Variants in CCDC148 observed in about 807,000 individuals in gnomAD.
CCDC148 encodes the protein coiled-coil domain-containing protein 148.
A neutral mutation model predicts 85.7 loss-of-function variants in CCDC148; 89 were observed. The observed-to-expected ratio is 1.04, with a 90% CI of 0.87 to 1.24. The LOEUF (loss-of-function observed/expected upper bound fraction) is 1.24, where lower values mean the gene tolerates loss of function less well. Ranked by LOEUF, CCDC148 falls within the 50% of genes most tolerant of loss-of-function variation. The pLI is 0.00. For synonymous variants in CCDC148, 230 were observed against 213.9 expected (o/e 1.08, Z -0.66); for missense variants, 692 against 671.7 (o/e 1.03, Z -0.33).
At chr2:158,449,247 A>G (rs1325567107) in intron 1 of CCDC148, among the ~76,000 whole-genome samples, 1 of 152,170 alleles carries the variant, frequency 6.6e-6, no homozygotes, top group Non-Finnish European at 1.5e-5. Context: ...AGGTCCTAGT[A>G]GGATTTTTTA....
At chr2:158,450,733 C>G (rs527425930) in intron 1 of CCDC148, among the ~76,000 whole-genome samples, 2 of 149,006 alleles carry the variant, frequency 1.3e-5, no homozygotes, top group African/African-American at 4.9e-5. Context: ...TCAAAATTTT[C>G]TTGTTATTTT....
intron 10 of CCDC148, among the ~76,000 whole-genome samples, chr2:158,231,120 C>T (rs1687837271): frequency 6.6e-6 from 1 of 151,976 alleles, no homozygotes; most frequent in South Asian, 2.1e-4. Flanking sequence ...TGCTGGAGAC[C>T]TAAATTAAGG....
At chr2:158,413,282 G>A (rs976281235) in intron 1 of CCDC148, among the ~76,000 whole-genome samples, 1 of 152,040 alleles carries the variant, frequency 6.6e-6, no homozygotes, top group East Asian at 1.9e-4. Context: ...TTCACAAAAG[G>A]AATGTTTTTC....
In CCDC148 at chr2:158,356,009, G is replaced by C. The variant is rs923028485; in HGVS notation, c.147+2440C>G. 4.4e-5 allele frequency among the ~76,000 whole-genome samples: 6 copies of C among 135,734 alleles called. 1 individual carries two copies. Among genetic ancestry groups the C allele is most frequent in the Admixed American group, 4.2e-4 (6 of 14,264 alleles). The allele number at this position is 135,734 out of a possible 152,430, so 89.0% of individuals were successfully genotyped here. On this transcript the variant is annotated intron_variant, in intron 2 of 13. Coordinates refer to ENST00000283233, the MANE Select transcript of CCDC148 (RefSeq NM_138803.4). ...ATTCCCTATTTAATAAATGGTGCTG[G>C]GAAAACTGGCTAGCCATATGTAGAA...
At chr2:158,370,993 T>G (rs1054092168) in intron 1 of CCDC148, among the ~76,000 whole-genome samples, 7 of 151,992 alleles carry the variant, frequency 4.6e-5, no homozygotes, top group African/African-American at 1.7e-4. Context: ...TAATTTTGAT[T>G]ACTACTTTAT....
intron 10 of CCDC148, among the ~76,000 whole-genome samples, chr2:158,250,221 T>G (rs910245237): frequency 2.0e-5 from 3 of 152,050 alleles, no homozygotes; most frequent in Admixed American, 2.0e-4. Context: ...TTTTGGTGTA[T>G]AGTTTTAAGA....
Position 158,224,705 on chromosome 2 carries a change from G to A in CCDC148, c.1252-3992C>T, listed in dbSNP as rs574562110. ...AGAATTTCATATCCAGCCAAACTAA[G>A]CTTCGTAAGTGAAGGAGAAATAATA... On this transcript the variant is annotated intron_variant, in intron 10 of 13. Transcript: ENST00000283233. 6.6e-5 allele frequency among the ~76,000 whole-genome samples: 10 copies of A among 152,254 alleles called. No homozygotes were observed. The South Asian group carries it at 2.1e-3, about 32-fold the overall frequency.
chr2:158,199,186 G>C (rs971883034), intron 11 of CCDC148, among the ~76,000 whole-genome samples: 5 of 152,222 alleles, frequency 3.3e-5, no homozygotes, highest in African/African-American at 1.2e-4. Flanking sequence ...AGCTTGGAAA[G>C]TAATTTTCTT....
intron 9 of CCDC148, among the ~76,000 whole-genome samples, chr2:158,280,691 C>T (rs997715931): frequency 6.6e-6 from 1 of 152,120 alleles, no homozygotes. Context: ...GACTTTAACA[C>T]CCCACTGTCA....
intron 9 of CCDC148, among the ~76,000 whole-genome samples, chr2:158,270,630 C>A (rs1689656118): frequency 6.6e-6 from 1 of 152,128 alleles, no homozygotes; most frequent in African/African-American, 2.4e-5. Context: ...GCTGTCCATA[C>A]AAAAGTAGCT....
intron 10 of CCDC148, among the ~76,000 whole-genome samples, chr2:158,228,907 T>C (rs959902914): frequency 6.7e-6 from 1 of 149,074 alleles, no homozygotes; most frequent in African/African-American, 2.5e-5. Flanking sequence ...CATGTATACA[T>C]ATGTAACTAA....
chr2:158,402,669 T>G (rs1685835148), intron 1 of CCDC148, among the ~76,000 whole-genome samples: 1 of 152,072 alleles, frequency 6.6e-6, no homozygotes, highest in Non-Finnish European at 1.5e-5. Context: ...TTAATCCTAT[T>G]GGAAATGAAG....
intron 1 of CCDC148, among the ~76,000 whole-genome samples, chr2:158,448,289 T>C (rs1688244770): frequency 6.6e-6 from 1 of 152,192 alleles, no homozygotes; most frequent in South Asian, 2.1e-4. Flanking sequence ...AAATTAGTAT[T>C]GTAATAACTC....
chr2:158,233,518 T>C (rs918451617), intron 10 of CCDC148, among the ~76,000 whole-genome samples: 2 of 151,158 alleles, frequency 1.3e-5, no homozygotes, highest in Admixed American at 6.7e-5. Flanking sequence ...AGATGAGAGA[T>C]ACAAGGTATA....
chr2:158,274,684 G>A (rs1689845657), intron 9 of CCDC148, among the ~76,000 whole-genome samples: 1 of 152,214 alleles, frequency 6.6e-6, no homozygotes, highest in Non-Finnish European at 1.5e-5. Context: ...TTGGGTCTAA[G>A]AGAATTGACA....
chr2:158,361,575 A>T (rs1433499482), intron 1 of CCDC148, among the ~76,000 whole-genome samples: 1 of 152,206 alleles, frequency 6.6e-6, no homozygotes, highest in Non-Finnish European at 1.5e-5. Flanking sequence ...AGCCAAACTA[A>T]GCTTCATAAG....
At chr2:158,328,067 A>G (rs552815430) in intron 7 of CCDC148, among the ~76,000 whole-genome samples, 1 of 151,716 alleles carries the variant, frequency 6.6e-6, no homozygotes, top group Non-Finnish European at 1.5e-5. Context: ...CACAATGTGC[A>G]GGTTAGTCAT....
intron 2 of CCDC148, among the ~76,000 whole-genome samples, chr2:158,348,278 C>T (rs2105252575): frequency 6.6e-6 from 1 of 152,042 alleles, no homozygotes; most frequent in Non-Finnish European, 1.5e-5. Flanking sequence ...GATCAAGTCC[C>T]TAAATATAAC....
At position 158,238,158 on chromosome 2, in the gene CCDC148, G is replaced by A. The variant is rs566633278; in HGVS notation, c.1251+12614C>T. On this transcript the variant is annotated intron_variant, in intron 10 of 13. Coordinates refer to ENST00000283233, the MANE Select transcript of CCDC148 (RefSeq NM_138803.4). ...AGAGGGCATGTGGGATCAAGGGAGGGTAGTTTATAGATGAAGGTCATAATG... is the reference window on the plus strand; with the variant it reads ...AGAGGGCATGTGGGATCAAGGGAGGATAGTTTATAGATGAAGGTCATAATG... Among the ~76,000 whole-genome samples the A allele has an allele frequency of 7.9e-5, 12 of 152,184 alleles. No individual in the cohort carries two copies. In the South Asian group the frequency reaches 1.7e-3, roughly 21 times the overall value.
Sources: gnomAD v4.1 joint callset for allele counts (sites outside exome capture counted in the v4.1 genomes callset) on GRCh38, gnomAD v4.1.1 for gene constraint, MANE v1.5 for transcripts, NCBI Gene and HGNC (gene_info 2026-07-23, HGNC 2026-07-21) for gene names.